Variants in MTHFD2L observed in about 807,000 individuals in gnomAD.
MTHFD2L encodes bifunctional methylenetetrahydrofolate dehydrogenase/cyclohydrolase 2, mitochondrial.
A neutral mutation model predicts 34.9 loss-of-function variants in MTHFD2L; 29 were observed. The ratio of observed to expected loss-of-function variants is 0.83; its 90% confidence interval spans 0.62 to 1.13. The LOEUF (loss-of-function observed/expected upper bound fraction) is 1.13. MTHFD2L is among the 50% of genes most tolerant of loss of function. MTHFD2L has a pLI of 0.00. For synonymous variants in MTHFD2L, 167 were observed against 155.7 expected (o/e 1.07, Z -0.54); for missense variants, 481 against 446.5 (o/e 1.08, Z -0.70).
chr4:74,200,327 CAAACA>C (rs1156764624), intron 4 of MTHFD2L, among the ~76,000 whole-genome samples: 3 of 151,458 alleles, frequency 2.0e-5, no homozygotes, highest in African/African-American at 4.9e-5. Flanking sequence ...CAAAACAAAA[CAAACA>C]AAACAAACAG....
chr4:74,237,065 C>T (rs28414214), intron 6 of MTHFD2L, among the ~76,000 whole-genome samples: 4,928 of 151,874 alleles, frequency 0.032, 211 homozygotes, highest in African/African-American at 0.095. Flanking sequence ...AGGGTGCTTT[C>T]GTATAAAGGA....
At chr4:74,174,100 C>A (rs1728554196) in intron 1 of MTHFD2L, among the ~76,000 whole-genome samples, 2 of 152,026 alleles carry the variant, frequency 1.3e-5, no homozygotes, top group Non-Finnish European at 2.9e-5. Context: ...CGTGCTATGT[C>A]CTCACATGGC....
intron 1 of MTHFD2L, among the ~76,000 whole-genome samples, chr4:74,133,506 T>C (rs1722697930): frequency 6.6e-6 from 1 of 152,132 alleles, no homozygotes; most frequent in Non-Finnish European, 1.5e-5. Flanking sequence ...TTTCTTTTTA[T>C]TGTTTTTTTC....
chr4:74,124,677 C>T (rs1423783899), upstream of MTHFD2L, among the ~76,000 whole-genome samples: 1 of 151,904 alleles, frequency 6.6e-6, no homozygotes, highest in Non-Finnish European at 1.5e-5. Flanking sequence ...CAGAGTTGTG[C>T]CCTTTGATGA....
intron 7 of MTHFD2L, among the ~76,000 whole-genome samples, chr4:74,284,859 T>C (rs866130598): frequency 4.6e-5 from 7 of 152,142 alleles, no homozygotes; most frequent in African/African-American, 1.7e-4. Context: ...CAAAGGACTA[T>C]AAATCATGCT....
chr4:74,254,808 G>T (rs970617599), intron 6 of MTHFD2L, among the ~76,000 whole-genome samples: 2 of 117,380 alleles, frequency 1.7e-5, no homozygotes, highest in Non-Finnish European at 3.5e-5. Flanking sequence ...AAAAGAGAAC[G>T]GTATTAAAAA....
At chr4:74,228,236 C>T (rs1178459644) in intron 6 of MTHFD2L, among the ~76,000 whole-genome samples, 2 of 152,184 alleles carry the variant, frequency 1.3e-5, no homozygotes, top group Non-Finnish European at 2.9e-5. Flanking sequence ...AATACTGCTT[C>T]AGCCACTGAT....
chr4:74,301,532 C>CGTGTGT (rs72168468), intron 7 of MTHFD2L, among the ~76,000 whole-genome samples, 165 bp from the exon 8 acceptor site: 6 of 146,062 alleles, frequency 4.1e-5, no homozygotes, highest in South Asian at 4.4e-4. Context: ...TGAGTGTGAG[C>CGTGTGT]GTGTGTGTGT....
At chr4:74,124,661 A>G (rs1441946674), upstream of MTHFD2L, among the ~76,000 whole-genome samples, 1 of 152,028 alleles carries the variant, frequency 6.6e-6, no homozygotes, top group Non-Finnish European at 1.5e-5. Context: ...TTTAAAGGGT[A>G]TCTAGCAGAG....
At chr4:74,170,628 G>A (rs1281091426) in intron 1 of MTHFD2L, among the ~76,000 whole-genome samples, 2 of 151,988 alleles carry the variant, frequency 1.3e-5, no homozygotes, top group Non-Finnish European at 2.9e-5. Flanking sequence ...CTAAAAACAT[G>A]AGAATAAAAA....
At chr4:74,139,543 T>G (rs1215150271) in intron 1 of MTHFD2L, among the ~76,000 whole-genome samples, 6 of 152,150 alleles carry the variant, frequency 3.9e-5, no homozygotes. Flanking sequence ...GTAGTCCACC[T>G]CCATCTCACT....
chr4:74,221,589 G>T (rs2110111163), intron 5 of MTHFD2L, among the ~76,000 whole-genome samples: 1 of 151,784 alleles, frequency 6.6e-6, no homozygotes, highest in Non-Finnish European at 1.5e-5. Context: ...CTACATGTTT[G>T]CTTTCAACAT....
intron 6 of MTHFD2L, among the ~76,000 whole-genome samples, chr4:74,262,175 G>A (rs1381967225): frequency 1.3e-5 from 2 of 151,764 alleles, no homozygotes; most frequent in African/African-American, 4.8e-5. Context: ...TAAAACATTT[G>A]ACTTCCCATT....
chr4:74,270,742 CCA>C (rs1745871425), intron 6 of MTHFD2L, among the ~76,000 whole-genome samples: 1 of 152,190 alleles, frequency 6.6e-6, no homozygotes, highest in Non-Finnish European at 1.5e-5. Context: ...TGAGGAATAG[CCA>C]CACTGTCTTC....
rs35015226 is a variant in MTHFD2L at position 74,264,700 on chromosome 4, T to TA, written c.806-16716dup. Among the ~76,000 whole-genome samples the TA allele has an allele frequency of 4.6e-5, 7 of 150,940 alleles. No individual in the cohort carries two copies. The East Asian group carries it at 5.8e-4, about 13-fold the overall frequency. ...GTTTTAATATTTTTAAGTACAAACT[T>TA]AAAAAAAAAGACTTGAGGTAAATAT... On this transcript the variant is annotated intron_variant, in intron 6 of 7. Coordinates refer to ENST00000325278, the MANE Select transcript of MTHFD2L (RefSeq NM_001144978.3).
chr4:74,187,484 CA>C (rs1358335903), intron 3 of MTHFD2L, among the ~76,000 whole-genome samples: 2 of 151,988 alleles, frequency 1.3e-5, no homozygotes, highest in Non-Finnish European at 2.9e-5. Flanking sequence ...AGAAGAAATA[CA>C]AATGGTAAAT....
At chr4:74,287,576 G>T (rs574516923) in intron 7 of MTHFD2L, among the ~76,000 whole-genome samples, 1 of 151,962 alleles carries the variant, frequency 6.6e-6, no homozygotes, top group East Asian at 1.9e-4. Context: ...GTGAAACCCC[G>T]TCTCTACTAA....
intron 2 of MTHFD2L, among the ~76,000 whole-genome samples, chr4:74,117,573 T>C (rs929072856): frequency 2.6e-5 from 4 of 152,176 alleles, no homozygotes; most frequent in African/African-American, 9.7e-5. Context: ...ATAGGTTATA[T>C]GCAGGATCTA....
At chr4:74,300,292 T>C (rs1295048946) in intron 7 of MTHFD2L, among the ~76,000 whole-genome samples, 1 of 152,030 alleles carries the variant, frequency 6.6e-6, no homozygotes, top group African/African-American at 2.4e-5. Flanking sequence ...GGACCTTTCT[T>C]CAAGTAAAAC....
Sources: gnomAD v4.1 joint callset for allele counts (sites outside exome capture counted in the v4.1 genomes callset) on GRCh38, gnomAD v4.1.1 for gene constraint, MANE v1.5 for transcripts, NCBI Gene and HGNC (gene_info 2026-07-23, HGNC 2026-07-21) for gene names.